GABRA3: variants seen among roughly 807,000 people sequenced by gnomAD.
The protein encoded by GABRA3 is gamma-aminobutyric acid type A receptor subunit alpha3.
Under a neutral mutation model 30.1 loss-of-function variants are expected in GABRA3, and 10 were observed. The ratio of observed to expected loss-of-function variants is 0.33; its 90% CI spans 0.20 to 0.56. The LOEUF (loss-of-function observed/expected upper bound fraction) is 0.56. GABRA3 is among the 20% of genes least tolerant of loss of function. The probability of loss-of-function intolerance (pLI) is 0.89; values close to 1 mark genes in which losing one functional copy is unlikely to be tolerated. For missense variants in GABRA3, 233 were observed against 392.0 expected (o/e 0.59, Z 3.42); for synonymous variants, 151 against 146.8 (o/e 1.03, Z -0.21).
At chrX:152,449,938 C>G (rs939916494) in intron 1 of GABRA3, among the ~76,000 whole-genome samples, 7 of 111,812 alleles carry the variant, frequency 6.3e-5, no homozygotes, top group African/African-American at 2.3e-4. Flanking sequence ...AAGTAATACA[C>G]ACCAAACACT....
At chrX:152,368,319 A>G (rs2124497280) in intron 1 of GABRA3, among the ~76,000 whole-genome samples, 1 of 111,377 alleles carries the variant, frequency 9.0e-6, no homozygotes, top group African/African-American at 3.3e-5. Flanking sequence ...CCTGGTAACC[A>G]CCATTCTACT....
At chrX:152,255,087 T>A (rs768025922) in intron 5 of GABRA3, among the ~76,000 whole-genome samples, 7 of 111,301 alleles carry the variant, frequency 6.3e-5, no homozygotes, top group Non-Finnish European at 1.1e-4. Flanking sequence ...TGGAAAAGTA[T>A]GAAATATAAT....
chrX:152,269,349 A>T (rs769080395), intron 4 of GABRA3, among the ~76,000 whole-genome samples: 67 of 112,338 alleles, frequency 6.0e-4, no homozygotes, highest in African/African-American at 1.9e-3. Context: ...GGCACAAAAA[A>T]TGGAAAGATA....
chrX:152,425,353 G>A (rs987652350), intron 1 of GABRA3, among the ~76,000 whole-genome samples: 1 of 110,358 alleles, frequency 9.1e-6, no homozygotes, highest in African/African-American at 3.3e-5. Flanking sequence ...CCATATGTAC[G>A]TTTCAACAAT....
chrX:152,423,595 T>C (rs4612533), intron 1 of GABRA3, among the ~76,000 whole-genome samples: 57,997 of 110,467 alleles, frequency 0.53, 13,191 homozygotes, highest in Non-Finnish European at 0.72. Context: ...TTTAGGAGCA[T>C]ATTTTTATGA....
chrX:152,326,847 A>G (rs1415538743), intron 3 of GABRA3, among the ~76,000 whole-genome samples: 1 of 111,531 alleles, frequency 9.0e-6, no homozygotes, highest in Non-Finnish European at 1.9e-5. Flanking sequence ...ATATTCACAC[A>G]TAACAATATT....
intron 3 of GABRA3, among the ~76,000 whole-genome samples, chrX:152,310,701 T>G (rs770331262): frequency 9.2e-6 from 1 of 109,251 alleles, no homozygotes; most frequent in Non-Finnish European, 1.9e-5. Flanking sequence ...AAAAAAACAA[T>G]AACCAAAATC....
At chrX:152,294,554 C>T (rs1019601410) in intron 3 of GABRA3, among the ~76,000 whole-genome samples, 15 of 111,071 alleles carry the variant, frequency 1.4e-4, no homozygotes, top group African/African-American at 3.6e-4. Flanking sequence ...TTTTTGTCTT[C>T]CTTGCAATGG....
At chrX:152,332,926 C>T (rs1052680010) in intron 3 of GABRA3, among the ~76,000 whole-genome samples, 1 of 112,341 alleles carries the variant, frequency 8.9e-6, no homozygotes, top group Admixed American at 9.5e-5. Context: ...ATGCTACTTA[C>T]TGAAAATTTC....
intron 4 of GABRA3, among the ~76,000 whole-genome samples, chrX:152,266,292 T>A (rs181939214): frequency 5.5e-4 from 62 of 112,147 alleles, no homozygotes; most frequent in African/African-American, 1.9e-3. Context: ...CATGTCCAAG[T>A]GGGATTTATC....
chrX:152,385,997 C>T (rs1236793839), intron 1 of GABRA3, among the ~76,000 whole-genome samples: 1 of 110,075 alleles, frequency 9.1e-6, no homozygotes, highest in African/African-American at 3.3e-5. Flanking sequence ...TTACTGTAGC[C>T]TTGTAGTACA....
chrX:152,227,825 G>A (rs994010987), intron 5 of GABRA3, among the ~76,000 whole-genome samples: 4 of 110,623 alleles, frequency 3.6e-5, no homozygotes, highest in Admixed American at 9.7e-5. Flanking sequence ...CACACAACCC[G>A]GAGAGCTGCA....
At chrX:152,322,038 T>A (rs184920517) in intron 3 of GABRA3, among the ~76,000 whole-genome samples, 56 of 112,376 alleles carry the variant, frequency 5.0e-4, no homozygotes, top group African/African-American at 1.7e-3. Context: ...TATACATAAA[T>A]GTTTACAGCA....
In GABRA3 at chrX:152,364,555, T is replaced by C. The variant is rs988264892; in HGVS notation, c.16A>G (p.Thr6Ala). 12 of 1,204,572 alleles carry C rather than the reference T, an allele frequency of 1.0e-5. No individual in the cohort carries two copies. The highest frequency in any genetic ancestry group is 5.4e-5 in the South Asian group (3 of 55,785). MIITQ[T>A]SHCYMTSLGI... is the part of the protein sequence containing the mutation. The stretch of plus-strand genomic sequence containing the variant: ...AGGCTGGTCATGTAACAGTGACTTG[T>C]TTGTGTGATTATCATCTTCTTAGGC... The change falls in exon 2 of 10, where the codon ACA becomes GCA. Residue 6 changes from threonine (T) to alanine (A), a missense_variant. Physicochemically the swap from Thr to Ala is moderately conservative, Grantham distance 58 (BLOSUM62 0). Coordinates refer to ENST00000370314, the MANE Select transcript of GABRA3 (RefSeq NM_000808.4).
At chrX:152,276,279 C>T (rs11796898) in intron 4 of GABRA3, among the ~76,000 whole-genome samples, 22,202 of 110,788 alleles carry the variant, frequency 0.2, 2,425 homozygotes, top group African/African-American at 0.42. Context: ...TGCTTAAACA[C>T]CAAAGGTAAT....
At chrX:152,345,498 G>A (rs1433763185) in intron 3 of GABRA3, 83 bp downstream of exon 3, 2 of 1,047,679 alleles carry the variant, frequency 1.9e-6, no homozygotes, top group Admixed American at 3.0e-5. Context: ...ATAGACTACT[G>A]AAGGCACCTT....
intron 6 of GABRA3, among the ~76,000 whole-genome samples, chrX:152,218,185 T>A (rs909963494): frequency 1.4e-4 from 15 of 110,123 alleles, no homozygotes; most frequent in African/African-American, 4.9e-4. Context: ...TGTTTCAAAA[T>A]ATTTTCTAAT....
chrX:152,362,028 T>C (rs187142600), intron 2 of GABRA3, among the ~76,000 whole-genome samples: 10 of 111,150 alleles, frequency 9.0e-5, no homozygotes, highest in African/African-American at 3.3e-4. Context: ...ACAGAACTGG[T>C]TTTATTTTCC....
At chrX:152,314,037 T>C (rs1603239733) in intron 3 of GABRA3, among the ~76,000 whole-genome samples, 1 of 111,627 alleles carries the variant, frequency 9.0e-6, no homozygotes, top group East Asian at 2.8e-4. Context: ...GAAAGGAAGA[T>C]ATCATGAGGT....
Sources: gnomAD v4.1 joint callset for allele counts (sites outside exome capture counted in the v4.1 genomes callset) on GRCh38, gnomAD v4.1.1 for gene constraint, MANE v1.5 for transcripts, NCBI Gene and HGNC (gene_info 2026-07-23, HGNC 2026-07-21) for gene names.